EIF2S3: variants seen among roughly 807,000 people sequenced by gnomAD.
EIF2S3 encodes eukaryotic translation initiation factor 2 subunit gamma, also known as eukaryotic translation initiation factor 2 subunit 3.
In EIF2S3, 2 loss-of-function variants were observed where a neutral mutation model predicts 31.7. The observed-to-expected ratio is 0.06, with a 90% CI of 0.03 to 0.20. The LOEUF is 0.20. EIF2S3 is among the 10% of genes least tolerant of loss of function. EIF2S3 has a pLI of 1.00. For missense variants in EIF2S3, 96 were observed against 359.3 expected, an observed-to-expected ratio of 0.27 and a Z score of 5.92; for synonymous variants, 120 against 126.7, an observed-to-expected ratio of 0.95 and a Z score of 0.36.
At chrX:24,062,300 T>G in intron 5 of EIF2S3, 116 bp from the exon 6 acceptor site, 2 of 791,622 alleles carry the variant, frequency 2.5e-6, no homozygotes, top group Non-Finnish European at 3.6e-6. Context: ...CCACATGTTT[T>G]CCTCCCCCAG....
intron 9 of EIF2S3, among the ~76,000 whole-genome samples, chrX:24,070,565 C>T (rs1016138011): frequency 9.7e-6 from 1 of 103,187 alleles, no homozygotes; most frequent in Non-Finnish European, 2.0e-5. Flanking sequence ...GTTAGCCTCT[C>T]GAGTAGCTGG....
intron 9 of EIF2S3, among the ~76,000 whole-genome samples, chrX:24,070,598 G>A (rs1157177107): frequency 9.2e-6 from 1 of 108,253 alleles, no homozygotes; most frequent in Non-Finnish European, 1.9e-5. Flanking sequence ...CTGCCACCAT[G>A]CCCAGCTATT....
At position 24,078,450 on chromosome X, in the gene EIF2S3, GT is replaced by G. The variant is rs1208962648; in HGVS notation, c.*1667del. The stretch of plus-strand genomic sequence containing the variant: ...CCCCACAGAGATTCTGATTTTAATT[GT>G]TCTGATTTAATTGGCTTGGAGTAGA... On this transcript the variant is annotated 3_prime_UTR_variant, in exon 12 of 12. Coordinates refer to ENST00000253039, the MANE Select transcript of EIF2S3 (RefSeq NM_001415.4). 9.0e-6 allele frequency among the ~76,000 whole-genome samples: 1 copy of G among 110,887 alleles called. No homozygotes were observed. Among genetic ancestry groups the G allele is most frequent in the African/African-American group, 3.3e-5 (1 of 30,566 alleles).
chrX:24,060,366 G>A (rs755258112), intron 5 of EIF2S3, 184 bp downstream of exon 5: 2 of 400,904 alleles, frequency 5.0e-6, no homozygotes, highest in Non-Finnish European at 4.3e-6. Flanking sequence ...CAAAAAGATA[G>A]ACTTGGGGCT....
intron 4 of EIF2S3, among the ~76,000 whole-genome samples, chrX:24,059,444 C>T (rs754354792): frequency 5.3e-4 from 54 of 102,398 alleles, no homozygotes; most frequent in African/African-American, 1.7e-3. Context: ...TTTTTTGAGA[C>T]GGAGTTTCAC....
intron 7 of EIF2S3, 44 bp downstream of exon 7, chrX:24,064,379 C>A: frequency 9.0e-7 from 1 of 1,109,692 alleles, no homozygotes; most frequent in South Asian, 2.4e-5. Flanking sequence ...TGATCTTTTC[C>A]ACATTGGTGA....
At chrX:24,061,907 A>G (rs1179831681) in intron 5 of EIF2S3, among the ~76,000 whole-genome samples, 1 of 111,409 alleles carries the variant, frequency 9.0e-6, no homozygotes, top group East Asian at 2.8e-4. Context: ...AGAAAAGCCA[A>G]ACTTGCTGAT....
chrX:24,055,483 A>G (rs932329542), intron 1 of EIF2S3, 132 bp from the exon 2 acceptor site: 14 of 616,077 alleles, frequency 2.3e-5, no homozygotes, highest in Non-Finnish European at 3.7e-5. Flanking sequence ...AAAGTTACTG[A>G]TAGGGAAAAG....
intron 9 of EIF2S3, 23 bp downstream of exon 9, chrX:24,068,131 T>C (rs1249184153): frequency 1.1e-5 from 13 of 1,157,753 alleles, no homozygotes; most frequent in African/African-American, 3.6e-5. Context: ...TTCTCATCTC[T>C]TTTAATTTGT....
chrX:24,057,639 A>G lies in EIF2S3; in HGVS notation c.268A>G (p.Lys90Glu), dbSNP rs753384185. The G allele has an allele frequency of 8.3e-7, 1 of 1,210,654 alleles. No individual in the cohort carries two copies. The highest frequency in any genetic ancestry group is 2.2e-5 in the Admixed American group (1 of 45,572). The change falls in exon 4 of 12, where the codon AAG becomes GAG. Residue 90 changes from lysine (K) to glutamate (E), a missense_variant. By Grantham distance (56) the Lys-to-Glu change is moderately conservative (BLOSUM62 1). Transcript: ENST00000253039. ...TTTTTTATTGAAATTTTAGATTTAT[A>G]AGCTTGATGACCCAAGTTGCCCTCG... Reference protein sequence around the residue: ...KLGYANAKIYKLDDPSCPRPE... With the variant: ...KLGYANAKIYELDDPSCPRPE...
chrX:24,075,010 A>G (rs1454676709), intron 11 of EIF2S3, among the ~76,000 whole-genome samples: 3 of 107,355 alleles, frequency 2.8e-5, no homozygotes, highest in Non-Finnish European at 5.8e-5. Context: ...GACTACAGGC[A>G]CACGCCACCA....
At chrX:24,067,327 C>T (rs1235198812) in intron 8 of EIF2S3, among the ~76,000 whole-genome samples, 2 of 111,330 alleles carry the variant, frequency 1.8e-5, no homozygotes, top group Non-Finnish European at 3.8e-5. Flanking sequence ...GCATAAGCCA[C>T]CACGCCCAGC....
At chrX:24,059,919 G>A (rs1451448927) in intron 4 of EIF2S3, among the ~76,000 whole-genome samples, 169 bp from the exon 5 acceptor site, 1 of 111,671 alleles carries the variant, frequency 9.0e-6, no homozygotes, top group Non-Finnish European at 1.9e-5. Flanking sequence ...ATCTGCAGTG[G>A]TTTTCATCAG....
At chrX:24,063,515 C>T (rs1160966661) in intron 6 of EIF2S3, among the ~76,000 whole-genome samples, 2 of 111,515 alleles carry the variant, frequency 1.8e-5, no homozygotes, top group Non-Finnish European at 3.8e-5. Flanking sequence ...CGTGGTAGCT[C>T]ACACTTGTAA....
At chrX:24,068,223 G>C in intron 9 of EIF2S3, 115 bp downstream of exon 9, 1 of 723,742 alleles carries the variant, frequency 1.4e-6, no homozygotes, top group Admixed American at 4.0e-5. Flanking sequence ...TTTAATAATA[G>C]AGTAGGGTGG....
chrX:24,067,491 A>AT (rs1387534540), intron 8 of EIF2S3, among the ~76,000 whole-genome samples: 18 of 53,161 alleles, frequency 3.4e-4, no homozygotes, highest in Admixed American at 3.3e-3. Context: ...TCTCGTTCAC[A>AT]TCTTTTTTTT....
At chrX:24,060,846 A>G (rs1222557478) in intron 5 of EIF2S3, among the ~76,000 whole-genome samples, 2 of 101,531 alleles carry the variant, frequency 2.0e-5, no homozygotes, top group African/African-American at 7.3e-5. Context: ...TTGTAATCCC[A>G]TCTACTCAGG....
At chrX:24,062,775 G>T in intron 6 of EIF2S3, 1 of 352,927 alleles carries the variant, frequency 2.8e-6, no homozygotes. Context: ...ATATACTAAA[G>T]TATATTTTTG....
intron 5 of EIF2S3, 93 bp downstream of exon 5, chrX:24,060,275 C>A: frequency 1.3e-6 from 1 of 758,207 alleles, no homozygotes; most frequent in Non-Finnish European, 2.0e-6. Flanking sequence ...AGGATCATAT[C>A]TATTACCTAA....
Sources: allele counts gnomAD v4.1 joint callset (sites outside exome capture counted in the v4.1 genomes callset), GRCh38; gene constraint gnomAD v4.1.1; transcripts MANE v1.5; gene names NCBI Gene and HGNC (gene_info 2026-07-23, HGNC 2026-07-21).